Variants in TRIML2 observed in about 807,000 individuals in gnomAD.
The protein encoded by TRIML2 is tripartite motif family like 2.
Under a neutral mutation model 31.2 loss-of-function variants are expected in TRIML2, and 28 were observed. The observed-to-expected ratio is 0.90, with a 90% CI of 0.66 to 1.23. The LOEUF (loss-of-function observed/expected upper bound fraction) is 1.23, where lower values mean the gene tolerates loss of function less well. TRIML2 is among the 50% of genes most tolerant of loss of function. The pLI, the probability that TRIML2 is intolerant of heterozygous loss-of-function variation, is 0.00. For synonymous variants in TRIML2, 187 were observed against 197.5 expected, an observed-to-expected ratio of 0.95 and a Z score of 0.45; for missense variants, 536 against 528.3, an observed-to-expected ratio of 1.01 and a Z score of -0.14.
In TRIML2 at chr4:188,104,903, C is replaced by T. The variant is rs1395046271; in HGVS notation, c.219G>A (p.Ser73=). ...RKLFQEILNT[S]REKLEAAKSI... ...TTTTAGCTGCTTCAAGTTTCTCCCT[C>T]GATGTGTTCAATATTTCCTGGAATA... is the stretch of plus-strand genomic sequence containing the variant. The change falls in exon 3 of 8, where the codon TCG becomes TCA. Residue 73 remains serine (S), a synonymous_variant. Transcript: ENST00000682553. The T allele has an allele frequency of 3.1e-6, 5 of 1,613,964 alleles. No individual in the cohort carries two copies. The highest frequency in any genetic ancestry group is 1.7e-5 in the Admixed American group (1 of 60,002).
At chr4:188,097,207 C>T in intron 6 of TRIML2, 46 bp from the exon 7 acceptor site, 1 of 1,596,412 alleles carries the variant, frequency 6.3e-7, no homozygotes, top group African/African-American at 1.3e-5. Context: ...ACCACAGGCC[C>T]CTTAGTCTAC....
intron 4 of TRIML2, 47 bp downstream of exon 4, chr4:188,101,009 C>G: frequency 6.6e-7 from 1 of 1,526,696 alleles, no homozygotes; most frequent in Admixed American, 2.0e-5. Context: ...TTTAGCTCTT[C>G]TTTTTCTCAT....
intron 3 of TRIML2, among the ~76,000 whole-genome samples, chr4:188,102,344 A>G (rs996434778): frequency 2.0e-5 from 3 of 152,072 alleles, no homozygotes; most frequent in Non-Finnish European, 4.4e-5. Flanking sequence ...ACCAAAATAT[A>G]TAGAGAGAAT....
intron 1 of TRIML2, 39 bp from the exon 2 acceptor site, chr4:188,105,629 C>T: frequency 5.6e-6 from 2 of 354,892 alleles, no homozygotes; most frequent in Non-Finnish European, 1.0e-5. Flanking sequence ...GTTCTAAGAC[C>T]AGCGGGTTTC....
intron 1 of TRIML2, chr4:188,106,779 C>G (rs970291194): frequency 4.5e-6 from 1 of 222,776 alleles, no homozygotes; most frequent in African/African-American, 2.3e-5. Flanking sequence ...TTCCCCGGCC[C>G]GCGCTGGGAA....
chr4:188,093,372 C>T (rs1733350097), intron 7 of TRIML2, among the ~76,000 whole-genome samples: 1 of 152,150 alleles, frequency 6.6e-6, no homozygotes. Context: ...CAAATTATCT[C>T]TGGAAAAACG....
chr4:188,105,752 A>G (rs1407892547), intron 1 of TRIML2, 162 bp from the exon 2 acceptor site: 1 of 169,750 alleles, frequency 5.9e-6, no homozygotes, highest in Non-Finnish European at 1.2e-5. Context: ...CGCGCTAATT[A>G]CTGAAGGAAC....
chr4:188,092,514 G>A (rs1249073880), intron 7 of TRIML2, among the ~76,000 whole-genome samples: 1 of 151,934 alleles, frequency 6.6e-6, no homozygotes, highest in Admixed American at 6.6e-5. Flanking sequence ...CCCCAGAGAC[G>A]GTCAAACTGT....
At chr4:188,096,461 G>A (rs539233832) in intron 7 of TRIML2, among the ~76,000 whole-genome samples, 2 of 146,568 alleles carry the variant, frequency 1.4e-5, no homozygotes, top group Admixed American at 6.8e-5. Flanking sequence ...GAACCCAGGA[G>A]GGGGAGGTTG....
At chr4:188,097,232 T>G in intron 6 of TRIML2, 71 bp from the exon 7 acceptor site, 1 of 1,591,654 alleles carries the variant, frequency 6.3e-7, no homozygotes, top group Admixed American at 1.7e-5. Context: ...TGGATCCCAT[T>G]ACATCCTACC....
rs200829467 is a variant in TRIML2 at position 188,102,780 on chromosome 4, C to T, written c.286-1530G>A. 9.3e-4 allele frequency among the ~76,000 whole-genome samples: 137 copies of T among 146,808 alleles called. 1 individual carries two copies. Among genetic ancestry groups the T allele is most frequent in the Non-Finnish European group, 1.2e-3 (79 of 67,204 alleles). ...AGGAGAATTGCTTGAACCCGGGAGG[C>T]GGAGGTTGCAGTGAGCCGAGATCGC... On this transcript the variant is annotated intron_variant, in intron 3 of 7. Transcript: ENST00000682553.
At position 188,105,161 on chromosome 4, in the gene TRIML2, T is replaced by C; in HGVS notation, c.189+19A>G. On this transcript the variant is annotated intron_variant, in intron 2 of 7. Coordinates refer to ENST00000682553, the MANE Select transcript of TRIML2 (RefSeq NM_173553.4). ...GGAGTTGGCCAGAGTGTTTTGGGAT[T>C]TGCGTGAGTGACTCTTACCCTGTAA... 1.9e-6 allele frequency: 3 copies of C among 1,591,020 alleles called. No homozygotes were observed. Among genetic ancestry groups the C allele is most frequent in the Admixed American group, 1.7e-5 (1 of 59,584 alleles).
At chr4:188,102,796 C>A (rs1182879281) in intron 3 of TRIML2, among the ~76,000 whole-genome samples, 1 of 150,454 alleles carries the variant, frequency 6.6e-6, no homozygotes, top group Non-Finnish European at 1.5e-5. Context: ...TTGCAGTGAG[C>A]CGAGATCGCG....
Position 188,101,164 on chromosome 4 carries a change from G to A in TRIML2, c.372C>T (p.Leu124=). 2 of 1,613,600 alleles carry A rather than the reference G, an allele frequency of 1.2e-6. No homozygotes were observed. The highest frequency in any genetic ancestry group is 1.7e-6 in the Non-Finnish European group (2 of 1,179,900). ...RLLNEECEQN[L]QRQQECISDL... is the part of the protein sequence containing the mutation. ...CAGATATGCATTCCTGCTGTCTCTG[G>A]AGATTCTGCTCACACTCTTCATTCA... is the stretch of plus-strand genomic sequence containing the variant. Residue 124 remains leucine (L), a synonymous_variant, in exon 4 of 8, where the codon CTC becomes CTT. Coordinates refer to ENST00000682553, the MANE Select transcript of TRIML2 (RefSeq NM_173553.4).
In TRIML2 at chr4:188,091,615, G is replaced by A; in HGVS notation, c.1072C>T (p.Leu358=). 2 of 1,614,186 alleles carry A rather than the reference G, an allele frequency of 1.2e-6. No homozygotes were observed. Among genetic ancestry groups the A allele is most frequent in the Non-Finnish European group, 1.7e-6 (2 of 1,180,030 alleles). The change falls in exon 8 of 8, where the codon CTG becomes TTG. Residue 358 remains leucine (L), a synonymous_variant. Coordinates refer to ENST00000682553, the MANE Select transcript of TRIML2 (RefSeq NM_173553.4). ...TTCTTTTCCAGGAAGAGCCTTTTCA[G>A]AGGGGGGAAGACCCAGAGAGTCCAC... ...TEWTLWVFPP[L]KRLFLEKKLD...
At chr4:188,093,276 G>A (rs987256201) in intron 7 of TRIML2, among the ~76,000 whole-genome samples, 2 of 152,110 alleles carry the variant, frequency 1.3e-5, no homozygotes, top group African/African-American at 4.8e-5. Flanking sequence ...CACATTATTA[G>A]GGTGGTCTCA....
intron 7 of TRIML2, among the ~76,000 whole-genome samples, chr4:188,092,162 CT>C (rs1461634878): frequency 6.6e-6 from 1 of 151,988 alleles, no homozygotes; most frequent in African/African-American, 2.4e-5. Context: ...CACAGTCTAC[CT>C]GAGCGGGAAG....
intron 7 of TRIML2, among the ~76,000 whole-genome samples, chr4:188,093,291 C>T (rs1049975696): frequency 6.6e-6 from 1 of 152,182 alleles, no homozygotes; most frequent in African/African-American, 2.4e-5. Context: ...GTCTCAACAG[C>T]TACACGTCTT....
chr4:188,098,979 C>A (rs1435808357), intron 5 of TRIML2, 56 bp downstream of exon 5: 1 of 1,593,330 alleles, frequency 6.3e-7, no homozygotes, highest in African/African-American at 1.3e-5. Flanking sequence ...GTACTGTCCA[C>A]TTCTCATTTC....
Sources: gnomAD v4.1 joint callset for allele counts (sites outside exome capture counted in the v4.1 genomes callset) on GRCh38, gnomAD v4.1.1 for gene constraint, MANE v1.5 for transcripts, NCBI Gene and HGNC (gene_info 2026-07-23, HGNC 2026-07-21) for gene names.